Variants in DPY19L2 observed in about 807,000 individuals in gnomAD.
DPY19L2 encodes probable C-mannosyltransferase DPY19L2.
A neutral mutation model predicts 97.9 loss-of-function variants in DPY19L2; 34 were observed. The ratio of observed to expected loss-of-function variants is 0.35; its 90% CI spans 0.26 to 0.46. The LOEUF is 0.46. Among genes scored for constraint, DPY19L2 ranks in the 20% least tolerant of loss-of-function variants. The pLI is 1.00. For missense variants in DPY19L2, 623 were observed against 911.4 expected, an observed-to-expected ratio of 0.68 and a Z score of 4.07; for synonymous variants, 230 against 307.9, an observed-to-expected ratio of 0.75 and a Z score of 2.65.
At chr12:63,630,773 A>G (rs557715978) in intron 6 of DPY19L2, among the ~76,000 whole-genome samples, 6 of 152,188 alleles carry the variant, frequency 3.9e-5, no homozygotes, top group Non-Finnish European at 8.8e-5. Flanking sequence ...CATTCTTCTC[A>G]GCACCACACC....
chr12:63,569,366 T>C lies in DPY19L2; in HGVS notation c.2001-17A>G. 1.3e-6 allele frequency: 2 copies of C among 1,536,936 alleles called. No individual in the cohort carries two copies. The highest frequency in any genetic ancestry group is 1.8e-6 in the Non-Finnish European group (2 of 1,139,882). On this transcript the variant is annotated splice_polypyrimidine_tract_variant and intron_variant, in intron 20 of 21. Transcript: ENST00000324472. ...GTCCGAGCCCTTTAAATTTAAACAA[T>C]AATTTAAAAGATTTTAAAATAAATG...
intron 4 of DPY19L2, among the ~76,000 whole-genome samples, chr12:63,650,382 C>T (rs980417288): frequency 1.3e-5 from 2 of 152,042 alleles, no homozygotes; most frequent in Non-Finnish European, 2.9e-5. Flanking sequence ...TTCACACTAT[C>T]TTTTTTGTAA....
At chr12:63,593,353 C>T (rs1198002915) in intron 16 of DPY19L2, among the ~76,000 whole-genome samples, 3 of 152,118 alleles carry the variant, frequency 2.0e-5, no homozygotes, top group Admixed American at 6.5e-5. Context: ...ATGTTTATTG[C>T]GGCACTATTC....
chr12:63,654,944 T>C (rs1221881021), intron 4 of DPY19L2, among the ~76,000 whole-genome samples: 1 of 152,162 alleles, frequency 6.6e-6, no homozygotes, highest in African/African-American at 2.4e-5. Context: ...CAACTAATTC[T>C]TTTAGTTGAT....
At chr12:63,664,827 A>G (rs555888242) in intron 2 of DPY19L2, among the ~76,000 whole-genome samples, 2 of 152,288 alleles carry the variant, frequency 1.3e-5, no homozygotes, top group South Asian at 4.1e-4. Context: ...CATGTAGGCC[A>G]TATGCCAGGG....
chr12:63,633,085 A>C (rs1178498686), intron 6 of DPY19L2, among the ~76,000 whole-genome samples: 6 of 152,268 alleles, frequency 3.9e-5, no homozygotes, highest in Middle Eastern at 3.4e-3. Context: ...TAAAGACTTA[A>C]ACGTTAGACC....
chr12:63,562,798 C>CTTTTT (rs59380942), intron 21 of DPY19L2, among the ~76,000 whole-genome samples: 1 of 139,620 alleles, frequency 7.2e-6, no homozygotes, highest in Non-Finnish European at 1.5e-5. Context: ...TCCTTTTGTC[C>CTTTTT]TTTTTTTTTT....
chr12:63,573,053 C>A (rs1395829036), intron 19 of DPY19L2, among the ~76,000 whole-genome samples: 2 of 151,974 alleles, frequency 1.3e-5, no homozygotes, highest in Non-Finnish European at 2.9e-5. Flanking sequence ...GACAAACATC[C>A]ACAAGCATCA....
intron 9 of DPY19L2, among the ~76,000 whole-genome samples, chr12:63,618,939 T>C (rs1486686073): frequency 1.3e-5 from 2 of 152,150 alleles, no homozygotes; most frequent in African/African-American, 4.8e-5. Flanking sequence ...ATAATAAATA[T>C]GTTATGCTTT....
intron 16 of DPY19L2, among the ~76,000 whole-genome samples, chr12:63,592,001 GA>G (rs1286593231): frequency 9.2e-5 from 2 of 21,680 alleles, no homozygotes; most frequent in Non-Finnish European, 1.6e-4. Flanking sequence ...GAAGGGAGGG[GA>G]AGGGAGGGGA....
chr12:63,609,223 T>C (rs1373140921), intron 11 of DPY19L2, among the ~76,000 whole-genome samples: 2 of 152,010 alleles, frequency 1.3e-5, no homozygotes, highest in African/African-American at 2.4e-5. Context: ...GTTCCAACTA[T>C]AGGCTTGTAT....
rs1050095452 is a variant in DPY19L2 at position 63,580,594 on chromosome 12, A to C, written c.1900+68T>G. 82 of 1,406,252 alleles carry C rather than the reference A, an allele frequency of 5.8e-5. No homozygotes were observed. The South Asian group carries it at 9.9e-4, about 17-fold the overall frequency. 87.1% of individuals were successfully genotyped at this position (1,406,252 alleles called of 1,614,324 possible). A position where few individuals can be genotyped will look rare whatever the true frequency, so the allele number is the denominator to read the frequency against. On this transcript the variant is annotated intron_variant, in intron 19 of 21. Transcript: ENST00000324472. ...ACATATATCAGAAATGACAATAATTATATATAGTATACACAAATGTGTCTG... is the reference window on the plus strand; with the variant it reads ...ACATATATCAGAAATGACAATAATTCTATATAGTATACACAAATGTGTCTG...
At chr12:63,593,245 A>G (rs185128578) in intron 16 of DPY19L2, among the ~76,000 whole-genome samples, 1 of 152,304 alleles carries the variant, frequency 6.6e-6, no homozygotes. Context: ...TTCCTCAAAG[A>G]TCTAGAACTA....
At chr12:63,642,171 G>A (rs1238824343) in intron 6 of DPY19L2, among the ~76,000 whole-genome samples, 1 of 152,142 alleles carries the variant, frequency 6.6e-6, no homozygotes, top group Non-Finnish European at 1.5e-5. Flanking sequence ...TGTATTCCAA[G>A]CACCTAGAAC....
intron 6 of DPY19L2, among the ~76,000 whole-genome samples, chr12:63,629,803 G>A (rs1304833969): frequency 2.0e-5 from 3 of 152,104 alleles, no homozygotes; most frequent in South Asian, 4.1e-4. Flanking sequence ...AAACTGTTAA[G>A]GGCAGCCAGA....
At chr12:63,563,934 G>T (rs1309373114) in intron 21 of DPY19L2, among the ~76,000 whole-genome samples, 1 of 151,984 alleles carries the variant, frequency 6.6e-6, no homozygotes, top group African/African-American at 2.4e-5. Flanking sequence ...TTCATAATAA[G>T]GTAATAGATA....
chr12:63,655,689 C>T (rs1385506986), intron 4 of DPY19L2, among the ~76,000 whole-genome samples: 1 of 151,854 alleles, frequency 6.6e-6, no homozygotes, highest in African/African-American at 2.4e-5. Flanking sequence ...TTTACCTTTC[C>T]CCCAGCAGTT....
Position 63,626,252 on chromosome 12 carries a change from T to C in DPY19L2, c.861+217A>G, listed in dbSNP as rs556809703. Among the ~76,000 whole-genome samples the C allele has an allele frequency of 1.1e-4, 17 of 151,716 alleles. No homozygotes were observed. The South Asian group carries it at 3.5e-3, about 31-fold the overall frequency. ...TCTACAGAATATATGTATATGTATA[T>C]ATTTACTAAAAATAAGGCAAGAGAT... On this transcript the variant is annotated intron_variant, in intron 7 of 21. Coordinates refer to ENST00000324472, the MANE Select transcript of DPY19L2 (RefSeq NM_173812.5).
In DPY19L2 at chr12:63,644,418, T is replaced by C. The variant is rs779680800; in HGVS notation, c.788A>G (p.Tyr263Cys). Residue 263 changes from tyrosine to cysteine, a missense_variant, in exon 6 of 22, where the codon TAT becomes TGT. Transcript: ENST00000324472. ...GTAGTCTTACCTCAGGTATGCTCCATACATGAAGAACAATCCCATCATTAG... is the reference window on the plus strand; with the variant it reads ...GTAGTCTTACCTCAGGTATGCTCCACACATGAAGAACAATCCCATCATTAG... ...NGLMMGLFFM[Y>C]GAYLSGTQLG... The C allele has an allele frequency of 8.7e-6, 14 of 1,611,038 alleles. No homozygotes were observed. Among genetic ancestry groups the C allele is most frequent in the Admixed American group, 8.4e-5 (5 of 59,470 alleles).
Sources: allele counts gnomAD v4.1 joint callset (sites outside exome capture counted in the v4.1 genomes callset), GRCh38; gene constraint gnomAD v4.1.1; transcripts MANE v1.5; gene names NCBI Gene and HGNC (gene_info 2026-07-23, HGNC 2026-07-21).